ARHGEF15: variants seen among roughly 807,000 people sequenced by gnomAD.
ARHGEF15 encodes the protein Rho guanine nucleotide exchange factor (GEF) 15.
ARHGEF15 carries 58 observed loss-of-function variants against 79.7 expected under a neutral mutation model. That is an observed-to-expected ratio of 0.73 (90% CI 0.59 to 0.91). The LOEUF is 0.91. Ranked by LOEUF, ARHGEF15 falls within the 40% of genes least tolerant of loss-of-function variation. The pLI is 0.00. For missense variants in ARHGEF15, 1,012 were observed against 1,108.1 expected (o/e 0.91, Z 1.23); for synonymous variants, 442 against 456.0 (o/e 0.97, Z 0.39).
At chr17:8,314,737 C>T in intron 4 of ARHGEF15, 169 bp from the exon 5 acceptor site, 1 of 687,484 alleles carries the variant, frequency 1.5e-6, no homozygotes, top group Non-Finnish European at 2.3e-6. Context: ...CTTGCCTTTC[C>T]CCTTCAAAAA....
Position 8,315,723 on chromosome 17 carries a change from C to T in ARHGEF15, c.1422-32C>T, listed in dbSNP as rs1156245936. The T allele has an allele frequency of 1.9e-6, 3 of 1,605,476 alleles. No individual in the cohort carries two copies. The highest frequency in any genetic ancestry group is 1.3e-5 in the African/African-American group (1 of 74,784). ...ACCCGGGAGACCTGGCTCTCTGCCCCGCCCCATTGCTTGCTTCCCCAATTC... is the reference window on the plus strand; with the variant it reads ...ACCCGGGAGACCTGGCTCTCTGCCCTGCCCCATTGCTTGCTTCCCCAATTC... On this transcript the variant is annotated intron_variant, in intron 7 of 15. Coordinates refer to ENST00000361926, the MANE Select transcript of ARHGEF15 (RefSeq NM_173728.4). The surrounding 1 kb of genome is among the most constrained non-coding windows in gnomAD (Gnocchi z 4.3).
intron 4 of ARHGEF15, 22 bp from the exon 5 acceptor site, chr17:8,314,884 C>A: frequency 1.2e-6 from 2 of 1,613,262 alleles, no homozygotes; most frequent in East Asian, 2.2e-5. Context: ...CTGGGGACTT[C>A]CTTCCCTTTC....
Position 8,316,080 on chromosome 17 carries a change from C to T in ARHGEF15, c.1636C>T (p.Arg546Trp). 1 of 1,602,598 alleles carries T rather than the reference C, an allele frequency of 6.2e-7. No individual in the cohort carries two copies. The highest frequency in any genetic ancestry group is 8.5e-7 in the Non-Finnish European group (1 of 1,179,088). ...RRLQSLPKCE[R>W]LPLPSFLLLP... ...GCTGCAGAGCCTCCCTAAGTGTGAG[C>T]GGCTCCCGCTGCCGTCCTTCCTGCT... The change falls in exon 9 of 16, where the codon CGG (arginine) becomes TGG (tryptophan). Residue 546 changes from arginine (R) to tryptophan (W), a missense_variant. Arg to Trp is a moderately radical substitution (Grantham distance 101). Transcript: ENST00000361926.
chr17:8,319,540 A>G lies in ARHGEF15; in HGVS notation c.2311A>G (p.Lys771Glu), dbSNP rs144539424. The G allele has an allele frequency of 7.4e-6, 12 of 1,611,670 alleles. No individual in the cohort carries two copies. The African/African-American group carries it at 1.3e-4, about 18-fold the overall frequency. ...GTGTTCAGAGTCGTCTGCACCTGCC[A>G]AGACTGAAGGACGGAGTCTGGAGTC... Reference protein sequence around the residue: ...ELCSESSAPAKTEGRSLESRA... With the variant: ...ELCSESSAPAETEGRSLESRA... Residue 771 changes from lysine to glutamate, a missense_variant, in exon 15 of 16, where the codon AAG becomes GAG. Transcript: ENST00000361926.
In ARHGEF15 at chr17:8,313,174, G is replaced by T. The variant is rs554267583; in HGVS notation, c.854G>T (p.Arg285Leu). The T allele has an allele frequency of 1.9e-6, 3 of 1,610,832 alleles. No individual in the cohort carries two copies. The highest frequency in any genetic ancestry group is 4.5e-5 in the East Asian group (2 of 44,840). Residue 285 changes from arginine (R) to leucine (L), a missense_variant, in exon 3 of 16, where the codon CGT (arginine) becomes CTT (leucine). By Grantham distance (102) the Arg-to-Leu change is moderately radical (BLOSUM62 -2). This residue lies in a region of ARHGEF15 where 818 missense variants were observed against 882.5 expected (regional missense o/e 0.93). Coordinates refer to ENST00000361926, the MANE Select transcript of ARHGEF15 (RefSeq NM_173728.4). Reference protein sequence around the residue: ...LPLLKPPKPTRVRQDATIFGD... With the variant: ...LPLLKPPKPTLVRQDATIFGD... ...CTCCTCAAGCCTCCCAAACCAACTC[G>T]TGTCAGGCAGGATGCCACCATTTTC...
rs2151644165 is a variant in ARHGEF15 at position 8,319,066 on chromosome 17, T to C, written c.2093T>C (p.Val698Ala). 1 of 1,614,000 alleles carries C rather than the reference T, an allele frequency of 6.2e-7. No individual in the cohort carries two copies. Among genetic ancestry groups the C allele is most frequent in the Non-Finnish European group, 8.5e-7 (1 of 1,179,996 alleles). Residue 698 changes from valine (V) to alanine (A), a missense_variant, in exon 13 of 16, where the codon GTT becomes GCT. By Grantham distance (64) the Val-to-Ala change is moderately conservative. Transcript: ENST00000361926. The part of the protein sequence containing the change: ...AHRSLVQAQQ[V>A]PDPSGPPTFR... ...CGCTCCCTGGTCCAGGCCCAGCAGG[T>C]TCCGGATCCATCTGGACCCCCTACC...
intron 1 of ARHGEF15, among the ~76,000 whole-genome samples, chr17:8,311,252 G>A (rs146508213): frequency 1.4e-3 from 215 of 152,040 alleles, no homozygotes; most frequent in Admixed American, 4.3e-3. Flanking sequence ...AGGCCGCAGC[G>A]CCCTGGCCCG....
rs780387549 is a variant in ARHGEF15, at chr17:8,312,419, C to A, written c.380C>A (p.Pro127His). 1.2e-6 allele frequency: 2 copies of A among 1,613,618 alleles called. No homozygotes were observed. The highest frequency in any genetic ancestry group is 8.5e-7 in the Non-Finnish European group (1 of 1,179,860). ...PVPPPKPSGSPCTPLLPMAGV... is the reference protein window; with the variant it reads ...PVPPPKPSGSHCTPLLPMAGV... ...CCCCCACCCAAGCCGTCTGGGTCACCCTGCACGCCTCTGCTCCCCATGGCT... is the reference window on the plus strand; with the variant it reads ...CCCCCACCCAAGCCGTCTGGGTCACACTGCACGCCTCTGCTCCCCATGGCT... The change falls in exon 2 of 16, where the codon CCC becomes CAC. Residue 127 changes from proline to histidine, a missense_variant. Around this residue, in one of 3 missense-constraint regions of ARHGEF15, gnomAD observed 818 missense variants for 882.5 expected, o/e 0.93. Transcript: ENST00000361926.
At position 8,312,412 on chromosome 17, in the gene ARHGEF15, G is replaced by A. The variant is rs753519754; in HGVS notation, c.373G>A (p.Gly125Arg). ...TCCAGTCCCCCCACCCAAGCCGTCT[G>A]GGTCACCCTGCACGCCTCTGCTCCC... The part of the protein sequence containing the change: ...RSPVPPPKPS[G>R]SPCTPLLPMA... The change falls in exon 2 of 16, where the codon GGG becomes AGG. Residue 125 changes from glycine (G) to arginine (R), a missense_variant. This residue lies in a region of ARHGEF15 where 818 missense variants were observed against 882.5 expected (regional missense o/e 0.93). Transcript: ENST00000361926. 6.2e-7 allele frequency: 1 copy of A among 1,613,500 alleles called. No homozygotes were observed. Among genetic ancestry groups the A allele is most frequent in the Non-Finnish European group, 8.5e-7 (1 of 1,179,744 alleles).
At position 8,315,373 on chromosome 17, in the gene ARHGEF15, G is replaced by T. The variant is rs1904944426; in HGVS notation, c.1261-41G>T. ...AGGGCCCAGGGTCCTAGCTTCCCAC[G>T]GTGAACTGGGCTTCCCACGACTGCC... On this transcript the variant is annotated intron_variant, in intron 6 of 15. Coordinates refer to ENST00000361926, the MANE Select transcript of ARHGEF15 (RefSeq NM_173728.4). This position sits in a 1 kb window ranked among gnomAD's most constrained non-coding sequence, Gnocchi z 4.3. 6.2e-7 allele frequency: 1 copy of T among 1,613,096 alleles called. No individual in the cohort carries two copies. The highest frequency in any genetic ancestry group is 1.3e-5 in the African/African-American group (1 of 74,964).
In ARHGEF15 at chr17:8,319,148, A is replaced by G. The variant is rs758369919; in HGVS notation, c.2175A>G (p.Gln725=). 5.6e-6 allele frequency: 9 copies of G among 1,613,416 alleles called. No individual in the cohort carries two copies. In the African/African-American group the frequency reaches 8.0e-5, roughly 14 times the overall value. Reference sequence around the variant, plus strand: ...GCCGCCCCACCCACCGACTACTCCAAGCTTCTTCCCTGTGAGTTGTGTTTC... The same window carrying G: ...GCCGCCCCACCCACCGACTACTCCAGGCTTCTTCCCTGTGAGTTGTGTTTC... ...HQGRPTHRLL[Q]ASSLSDMQRW... The change falls in exon 13 of 16, where the codon CAA becomes CAG. Residue 725 remains glutamine (Q), a synonymous_variant. Transcript: ENST00000361926.
At position 8,314,900 on chromosome 17, in the gene ARHGEF15, C is replaced by T; in HGVS notation, c.990-6C>T. On this transcript the variant is annotated splice_region_variant and splice_polypyrimidine_tract_variant and intron_variant, in intron 4 of 15. Coordinates refer to ENST00000361926, the MANE Select transcript of ARHGEF15 (RefSeq NM_173728.4). ...TGGGGACTTCCTTCCCTTTCTTTCT[C>T]CACAGGGAAGAGGAGGGGCTAGAGG... 1 of 1,613,842 alleles carries T rather than the reference C, an allele frequency of 6.2e-7. No individual in the cohort carries two copies. The highest frequency in any genetic ancestry group is 8.5e-7 in the Non-Finnish European group (1 of 1,179,952).
chr17:8,316,536 C>T, intron 9 of ARHGEF15, among the ~76,000 whole-genome samples: 1 of 152,200 alleles, frequency 6.6e-6, no homozygotes, highest in East Asian at 1.9e-4. Flanking sequence ...ACATGCCTTC[C>T]CAGCTGGGGT....
Position 8,318,898 on chromosome 17 carries a change from C to T in ARHGEF15, c.2021C>T (p.Thr674Ile), listed in dbSNP as rs776164783. Reference sequence around the variant, plus strand: ...CTCTTTAGCGACCTGCTGCTCATCACTCAGCCTAAGAGGTGAGTCCTAGGG... The same window carrying T: ...CTCTTTAGCGACCTGCTGCTCATCATTCAGCCTAAGAGGTGAGTCCTAGGG... ...LLLFSDLLLI[T>I]QPKSGQRLQV... is the part of the protein sequence containing the mutation. Residue 674 changes from threonine (T) to isoleucine (I), a missense_variant, in exon 12 of 16, where the codon ACT (threonine) becomes ATT (isoleucine). Around this residue, in one of 3 missense-constraint regions of ARHGEF15, gnomAD observed 62 missense variants for 101.3 expected, o/e 0.61. Coordinates refer to ENST00000361926, the MANE Select transcript of ARHGEF15 (RefSeq NM_173728.4). This position sits in a 1 kb window ranked among gnomAD's most constrained non-coding sequence, Gnocchi z 5.0. The T allele has an allele frequency of 5.0e-6, 8 of 1,612,452 alleles. No individual in the cohort carries two copies. In the East Asian group the frequency reaches 1.8e-4, roughly 36 times the overall value.
Position 8,315,030 on chromosome 17 carries a change from C to A in ARHGEF15, c.1049-36C>A, listed in dbSNP as rs1414872663. ...AAGCAGTGGGGAAGGGTTTGGGAGCCCTGGGCTTCCCTGAAGTGCTATGTT... is the reference window on the plus strand; with the variant it reads ...AAGCAGTGGGGAAGGGTTTGGGAGCACTGGGCTTCCCTGAAGTGCTATGTT... On this transcript the variant is annotated intron_variant, in intron 5 of 15. Coordinates refer to ENST00000361926, the MANE Select transcript of ARHGEF15 (RefSeq NM_173728.4). This position sits in a 1 kb window ranked among gnomAD's most constrained non-coding sequence, Gnocchi z 4.3. The A allele has an allele frequency of 3.1e-6, 5 of 1,613,446 alleles. No individual in the cohort carries two copies. Among genetic ancestry groups the A allele is most frequent in the African/African-American group, 1.3e-5 (1 of 74,916 alleles).
chr17:8,321,008 G>A lies in ARHGEF15; in HGVS notation c.*15G>A, dbSNP rs147595569. Reference sequence around the variant, plus strand: ...CCCCACCCTAATGCAGGCTGAGGAGGGGGCACATGTTGGGAGACACCTACC... The same window carrying A: ...CCCCACCCTAATGCAGGCTGAGGAGAGGGCACATGTTGGGAGACACCTACC... On this transcript the variant is annotated 3_prime_UTR_variant, in exon 16 of 16. Coordinates refer to ENST00000361926, the MANE Select transcript of ARHGEF15 (RefSeq NM_173728.4). The A allele has an allele frequency of 5.8e-3, 9,301 of 1,613,896 alleles. 33 individuals carry two copies. The highest frequency in any genetic ancestry group is 6.9e-3 in the Non-Finnish European group (8,145 of 1,179,926).
At chr17:8,311,093 A>T (rs1904581964) in intron 1 of ARHGEF15, among the ~76,000 whole-genome samples, 1 of 151,620 alleles carries the variant, frequency 6.6e-6, no homozygotes, top group Non-Finnish European at 1.5e-5. Flanking sequence ...CCCCCTCATC[A>T]TTTCTCAAGG....
Position 8,315,831 on chromosome 17 carries a change from G to A in ARHGEF15, c.1498G>A (p.Ala500Thr). The change falls in exon 8 of 16, where the codon GCT becomes ACT. Residue 500 changes from alanine (A) to threonine (T), a missense_variant. Ala to Thr is a moderately conservative substitution (Grantham distance 58, BLOSUM62 0). Transcript: ENST00000361926. This position sits in a 1 kb window ranked among gnomAD's most constrained non-coding sequence, Gnocchi z 4.3. ...CTTGTGTGATGTGGTGCATGCCCACGCTGTGGGGCCTTTCTCGGTGTATGT... is the reference window on the plus strand; with the variant it reads ...CTTGTGTGATGTGGTGCATGCCCACACTGTGGGGCCTTTCTCGGTGTATGT... ...SDLCDVVHAH[A>T]VGPFSVYVDY... The A allele has an allele frequency of 6.2e-7, 1 of 1,612,970 alleles. No individual in the cohort carries two copies. The highest frequency in any genetic ancestry group is 8.5e-7 in the Non-Finnish European group (1 of 1,179,994).
chr17:8,318,228 G>C lies in ARHGEF15; in HGVS notation c.1705-159G>C, dbSNP rs892649555. On this transcript the variant is annotated intron_variant, in intron 9 of 15. Transcript: ENST00000361926. The surrounding 1 kb of genome is among the most constrained non-coding windows in gnomAD (Gnocchi z 5.0). ...AGATAGGGAAGCTGAGGCTCAGAGA[G>C]GTAACAGGACTTGCTCAGGGTTCTG... The C allele has an allele frequency of 1.4e-6, 1 of 694,274 alleles. No individual in the cohort carries two copies. Among genetic ancestry groups the C allele is most frequent in the Non-Finnish European group, 2.5e-6 (1 of 394,580 alleles). The allele number at this position is 694,274 out of a possible 1,614,324, so 43.0% of individuals were successfully genotyped here.
Sources: gnomAD v4.1 joint callset for allele counts (sites outside exome capture counted in the v4.1 genomes callset) on GRCh38, gnomAD v4.1.1 for gene constraint, gnomAD v4.1.1 regional missense constraint, Gnocchi (gnomAD v3.1) non-coding constraint, MANE v1.5 for transcripts, NCBI Gene and HGNC (gene_info 2026-07-23, HGNC 2026-07-21) for gene names.